Variants in PSMD9 observed in about 807,000 individuals in gnomAD.
The protein encoded by PSMD9 is 26S proteasome non-ATPase regulatory subunit 9.
A neutral mutation model predicts 25.9 loss-of-function variants in PSMD9; 26 were observed. The ratio of observed to expected loss-of-function variants is 1.00; its 90% CI spans 0.73 to 1.39. PSMD9 has a LOEUF of 1.39. PSMD9 is among the 40% of genes most tolerant of loss of function. The probability of loss-of-function intolerance (pLI) is 0.00; values close to 1 mark genes in which losing one functional copy is unlikely to be tolerated. For synonymous variants in PSMD9, 110 were observed against 114.5 expected (o/e 0.96, Z 0.25); for missense variants, 303 against 299.3 (o/e 1.01, Z -0.09).
At chr12:121,889,921 CT>C (rs869153693) in intron 1 of PSMD9, among the ~76,000 whole-genome samples, 10 of 148,156 alleles carry the variant, frequency 6.7e-5, no homozygotes, top group Middle Eastern at 3.4e-3. Flanking sequence ...GATGAAGTTT[CT>C]TTTTTTTTTG....
chr12:121,892,156 G>A (rs983479805), intron 1 of PSMD9, among the ~76,000 whole-genome samples: 11 of 152,106 alleles, frequency 7.2e-5, no homozygotes, highest in African/African-American at 2.4e-4. Flanking sequence ...CTGATAAGAG[G>A]ATAGTATCTA....
chr12:121,891,061 C>T (rs1294299892), intron 1 of PSMD9, among the ~76,000 whole-genome samples: 1 of 129,048 alleles, frequency 7.7e-6, no homozygotes, highest in African/African-American at 2.8e-5. Flanking sequence ...CTCCTGACCT[C>T]GTGATCCGCC....
chr12:121,909,048 A>G, intron 4 of PSMD9, among the ~76,000 whole-genome samples: 1 of 152,054 alleles, frequency 6.6e-6, no homozygotes, highest in Non-Finnish European at 1.5e-5. Flanking sequence ...CCTTCTCTGG[A>G]TGTTAGGTAG....
At chr12:121,895,912 C>T (rs1292845129) in intron 2 of PSMD9, among the ~76,000 whole-genome samples, 1 of 152,226 alleles carries the variant, frequency 6.6e-6, no homozygotes, top group Non-Finnish European at 1.5e-5. Flanking sequence ...CCGTCTCCAC[C>T]ACAGAGTCCT....
chr12:121,906,671 G>A (rs1879563689), intron 4 of PSMD9, among the ~76,000 whole-genome samples: 1 of 151,898 alleles, frequency 6.6e-6, no homozygotes, highest in African/African-American at 2.4e-5. Flanking sequence ...AAAATTATCT[G>A]GGTGTGGTGG....
At chr12:121,904,963 G>T (rs1033667079) in intron 4 of PSMD9, among the ~76,000 whole-genome samples, 2 of 151,488 alleles carry the variant, frequency 1.3e-5, no homozygotes, top group African/African-American at 4.9e-5. Context: ...GTTTTATTGA[G>T]ATTTAATGCA....
intron 5 of PSMD9, 70 bp from the exon 6 acceptor site, chr12:121,916,214 A>G: frequency 6.4e-7 from 1 of 1,561,000 alleles, no homozygotes; most frequent in African/African-American, 1.4e-5. Context: ...AAAGGTCAGA[A>G]GGGCTCAGCC....
intron 2 of PSMD9, 40 bp from the exon 3 acceptor site, chr12:121,899,594 A>C (rs1283745980): frequency 6.5e-7 from 1 of 1,537,290 alleles, no homozygotes; most frequent in Non-Finnish European, 8.8e-7. Context: ...TGTGTCCTCC[A>C]CTGTCTTCCT....
chr12:121,912,939 C>CTTTTTT (rs199915628), intron 4 of PSMD9, among the ~76,000 whole-genome samples: 3 of 129,282 alleles, frequency 2.3e-5, no homozygotes, highest in Non-Finnish European at 3.3e-5. Context: ...CTTTTCTTTT[C>CTTTTTT]TTTTTTTTTT....
At chr12:121,904,221 T>C (rs1450364024) in intron 4 of PSMD9, among the ~76,000 whole-genome samples, 1 of 152,064 alleles carries the variant, frequency 6.6e-6, no homozygotes, top group Non-Finnish European at 1.5e-5. Context: ...TATCAGTTTT[T>C]TTGCTTATGG....
At chr12:121,909,728 A>G (rs1879662890) in intron 4 of PSMD9, among the ~76,000 whole-genome samples, 1 of 152,146 alleles carries the variant, frequency 6.6e-6, no homozygotes, top group African/African-American at 2.4e-5. Flanking sequence ...TTGTATCTTC[A>G]TTCCTTTGAA....
chr12:121,914,480 G>T (rs1365007305), intron 4 of PSMD9: 1 of 152,052 alleles, frequency 6.6e-6, no homozygotes, highest in Non-Finnish European at 1.5e-5. Context: ...AACCGGGGAG[G>T]CGGAGGTTGC....
chr12:121,906,303 T>C (rs1337622876), intron 4 of PSMD9, among the ~76,000 whole-genome samples: 1 of 152,124 alleles, frequency 6.6e-6, no homozygotes, highest in Non-Finnish European at 1.5e-5. Flanking sequence ...GGCTTCAGCC[T>C]CATCCCCTCA....
rs752728220 is a variant in PSMD9 at position 121,888,904 on chromosome 12, C to T, written c.48C>T (p.Gly16=). The change falls in exon 1 of 6, where the codon GGC becomes GGT. Residue 16 remains glycine, a synonymous_variant. Coordinates refer to ENST00000541212, the MANE Select transcript of PSMD9 (RefSeq NM_002813.7). ...AGAGCGGAGGCTCCTCGCAGGCCGG[C>T]GTCGTGACTGTCAGCGACGTCCAGG... ...ARQSGGSSQA[G]VVTVSDVQEL... is the part of the protein sequence containing the mutation. 3 of 1,599,830 alleles carry T rather than the reference C, an allele frequency of 1.9e-6. No individual in the cohort carries two copies. The Admixed American group carries it at 5.2e-5, about 28-fold the overall frequency.
intron 4 of PSMD9, among the ~76,000 whole-genome samples, chr12:121,913,689 G>A (rs1468935049): frequency 1.3e-5 from 2 of 151,350 alleles, no homozygotes; most frequent in Non-Finnish European, 1.5e-5. Flanking sequence ...TTGTAAAGAC[G>A]AGATCTCTCT....
chr12:121,910,969 GTC>G (rs775026706), intron 4 of PSMD9: 3 of 456,336 alleles, frequency 6.6e-6, no homozygotes, highest in East Asian at 1.4e-4. Context: ...CCTACTTTCT[GTC>G]TCTATGAATT....
rs1177794427 is a variant in PSMD9, at chr12:121,918,088, C to G, written c.*1777C>G. 1 of 152,148 alleles carries G rather than the reference C, an allele frequency of 6.6e-6. No individual in the cohort carries two copies. Among genetic ancestry groups the G allele is most frequent in the Admixed American group, 6.6e-5 (1 of 15,256 alleles). 9.4% of individuals were successfully genotyped at this position (152,148 alleles called of 1,614,324 possible). On this transcript the variant is annotated 3_prime_UTR_variant, in exon 6 of 6. Coordinates refer to ENST00000541212, the MANE Select transcript of PSMD9 (RefSeq NM_002813.7). This position sits in a 1 kb window ranked among gnomAD's most constrained non-coding sequence, Gnocchi z 4.3. ...AGATGTTAGTGGAGAGCCACTTTGACGTGGAATGATCCTAATAGATATAGC... is the reference window on the plus strand; with the variant it reads ...AGATGTTAGTGGAGAGCCACTTTGAGGTGGAATGATCCTAATAGATATAGC...
intron 4 of PSMD9, among the ~76,000 whole-genome samples, chr12:121,911,844 G>A (rs1320840866): frequency 6.6e-6 from 1 of 151,158 alleles, no homozygotes; most frequent in African/African-American, 2.4e-5. Flanking sequence ...GTAGAGACTG[G>A]GTTTCACCAT....
intron 4 of PSMD9, among the ~76,000 whole-genome samples, chr12:121,905,995 C>CT (rs1261728316): frequency 6.6e-6 from 1 of 150,430 alleles, no homozygotes; most frequent in Non-Finnish European, 1.5e-5. Context: ...AATATATTGC[C>CT]TTTTGAGTCT....
Sources: allele counts gnomAD v4.1 joint callset (sites outside exome capture counted in the v4.1 genomes callset), GRCh38; gene constraint gnomAD v4.1.1; non-coding constraint Gnocchi (gnomAD v3.1); transcripts MANE v1.5; gene names NCBI Gene and HGNC (gene_info 2026-07-23, HGNC 2026-07-21).